The following MAP4K3 variants were observed in gnomAD, a reference collection of about 807,000 sequenced individuals.
MAP4K3 encodes MAPK/ERK kinase kinase kinase 3.
Under a neutral mutation model 143.5 loss-of-function variants are expected in MAP4K3, and 94 were observed. The observed-to-expected ratio is 0.65, with a 90% confidence interval of 0.55 to 0.78. The LOEUF (loss-of-function observed/expected upper bound fraction) is 0.78. Ranked by LOEUF, MAP4K3 falls within the 30% of genes least tolerant of loss-of-function variation. The pLI is 0.00. For synonymous variants in MAP4K3, 416 were observed against 347.2 expected (o/e 1.20, Z -2.20); for missense variants, 1,077 against 1,068.1 (o/e 1.01, Z -0.12).
chr2:39,324,538 T>C (rs1385565990), intron 12 of MAP4K3, among the ~76,000 whole-genome samples: 4 of 152,230 alleles, frequency 2.6e-5, no homozygotes, highest in Non-Finnish European at 4.4e-5. Context: ...AAATAGCTTA[T>C]CTATCATAAG....
intron 1 of MAP4K3, among the ~76,000 whole-genome samples, chr2:39,388,645 G>A (rs1666573977): frequency 6.6e-6 from 1 of 152,168 alleles, no homozygotes; most frequent in South Asian, 2.1e-4. Flanking sequence ...ATCCACAACA[G>A]GCAATTTGTT....
chr2:39,324,642 T>C (rs908475550), intron 12 of MAP4K3, among the ~76,000 whole-genome samples: 24 of 152,148 alleles, frequency 1.6e-4, no homozygotes, highest in African/African-American at 4.8e-4. Flanking sequence ...CCTTCAGTCA[T>C]TAATGAAATT....
At position 39,436,980 on chromosome 2, in the gene MAP4K3, G is replaced by C. The variant is rs1665509240; in HGVS notation, c.8C>G (p.Pro3Arg). 2.5e-6 allele frequency: 4 copies of C among 1,611,506 alleles called. No homozygotes were observed. The highest frequency in any genetic ancestry group is 3.4e-6 in the Non-Finnish European group (4 of 1,179,042). Residue 3 changes from proline to arginine, a missense_variant, in exon 1 of 34, where the codon CCC (proline) becomes CGC (arginine). Physicochemically the swap from Pro to Arg is moderately radical, Grantham distance 103. Around this residue, in one of 2 missense-constraint regions of MAP4K3, gnomAD observed 213 missense variants for 266.8 expected, o/e 0.80. Transcript: ENST00000263881. MN[P>R]GFDLSRRNPQ... is the part of the protein sequence containing the mutation. Reference sequence around the variant, plus strand: ...GTTCCGGCGGGACAAATCGAAGCCGGGGTTCATGGCGGGCCCCAGGTGCCC... The same window carrying C: ...GTTCCGGCGGGACAAATCGAAGCCGCGGTTCATGGCGGGCCCCAGGTGCCC...
At chr2:39,295,176 T>C (rs1352028070) in intron 16 of MAP4K3, among the ~76,000 whole-genome samples, 1 of 152,102 alleles carries the variant, frequency 6.6e-6, no homozygotes, top group Non-Finnish European at 1.5e-5. Context: ...ACATATATAA[T>C]AAAACCTTTT....
intron 29 of MAP4K3, among the ~76,000 whole-genome samples, chr2:39,258,978 G>C (rs1680453901): frequency 6.6e-6 from 1 of 151,608 alleles, no homozygotes. Context: ...AACACCATCA[G>C]CATCACCTGG....
At chr2:39,332,039 GTT>G in intron 7 of MAP4K3, 50 bp from the exon 8 acceptor site, 1 of 1,051,888 alleles carries the variant, frequency 9.5e-7, no homozygotes, top group East Asian at 2.4e-5. Context: ...AAATAAAATT[GTT>G]TAAGGCAACA....
At chr2:39,268,796 C>T (rs1029993802) in intron 26 of MAP4K3, among the ~76,000 whole-genome samples, 6 of 151,810 alleles carry the variant, frequency 4.0e-5, no homozygotes, top group African/African-American at 1.5e-4. Context: ...TCAGCCACCA[C>T]ACCCAACTAA....
intron 1 of MAP4K3, among the ~76,000 whole-genome samples, chr2:39,406,023 A>T (rs1667083434): frequency 6.6e-6 from 1 of 152,138 alleles, no homozygotes; most frequent in African/African-American, 2.4e-5. Context: ...ATCCTATCAG[A>T]TAAATTTAAC....
intron 1 of MAP4K3, among the ~76,000 whole-genome samples, chr2:39,390,859 C>T (rs973770693): frequency 1.3e-5 from 2 of 151,950 alleles, no homozygotes; most frequent in African/African-American, 4.8e-5. Context: ...ACCTAAAAAT[C>T]AATCGCCCTA....
Position 39,291,511 on chromosome 2 carries a change from A to C in MAP4K3, c.1272-1177T>G, listed in dbSNP as rs141303487. 5.4e-3 allele frequency among the ~76,000 whole-genome samples: 824 copies of C among 152,340 alleles called. 9 individuals are homozygous for C. Among genetic ancestry groups the C allele is most frequent in the African/African-American group, 0.018 (768 of 41,584 alleles). On this transcript the variant is annotated intron_variant, in intron 18 of 33. Transcript: ENST00000263881. ...TGAAACATCTTTGATGAAGCTCATC[A>C]AAAACTATATATATGCTTTATGAAA...
At chr2:39,337,978 G>A (rs1010777083) in intron 4 of MAP4K3, among the ~76,000 whole-genome samples, 1 of 151,778 alleles carries the variant, frequency 6.6e-6, no homozygotes, top group African/African-American at 2.4e-5. Context: ...GCCCAGGCTG[G>A]TATTGAATTT....
intron 1 of MAP4K3, among the ~76,000 whole-genome samples, chr2:39,397,280 A>G (rs1419573150): frequency 1.3e-5 from 2 of 152,184 alleles, no homozygotes; most frequent in Non-Finnish European, 2.9e-5. Context: ...ACATAAGAGA[A>G]TTCAGTAAGA....
At chr2:39,251,785 A>G in intron 33 of MAP4K3, 45 bp downstream of exon 33, 2 of 1,485,998 alleles carry the variant, frequency 1.3e-6, no homozygotes, top group African/African-American at 2.8e-5. Flanking sequence ...CTGGATCTAT[A>G]AAACACGTTT....
intron 29 of MAP4K3, among the ~76,000 whole-genome samples, chr2:39,259,943 T>C (rs1311826776): frequency 1.3e-5 from 2 of 152,218 alleles, no homozygotes; most frequent in Non-Finnish European, 2.9e-5. Flanking sequence ...CCCAGGTGTA[T>C]ACCTCATTTT....
chr2:39,331,227 G>A (rs1328268257), intron 8 of MAP4K3, among the ~76,000 whole-genome samples: 1 of 152,098 alleles, frequency 6.6e-6, no homozygotes, highest in Non-Finnish European at 1.5e-5. Flanking sequence ...TTACTTCAAA[G>A]TAATGATATG....
chr2:39,317,398 A>T (rs926493720), intron 12 of MAP4K3, among the ~76,000 whole-genome samples: 1 of 152,128 alleles, frequency 6.6e-6, no homozygotes, highest in African/African-American at 2.4e-5. Flanking sequence ...CCACAAAACC[A>T]AAAATTGACA....
At chr2:39,278,048 G>A (rs1248679468) in intron 24 of MAP4K3, among the ~76,000 whole-genome samples, 6 of 147,732 alleles carry the variant, frequency 4.1e-5, no homozygotes, top group Admixed American at 2.1e-4. Context: ...CTGGGAGGCC[G>A]AGGCGGGCAG....
At chr2:39,378,163 T>C in intron 1 of MAP4K3, 40 bp from the exon 2 acceptor site, 1 of 1,205,456 alleles carries the variant, frequency 8.3e-7, no homozygotes, top group Non-Finnish European at 1.2e-6. Context: ...TGAAGAAAGC[T>C]TTCATAAAAA....
In MAP4K3 at chr2:39,250,457, C is replaced by A; in HGVS notation, c.*161G>T. The A allele has an allele frequency of 1.7e-6, 1 of 600,062 alleles. No individual in the cohort carries two copies. Among genetic ancestry groups the A allele is most frequent in the African/African-American group, 1.9e-5 (1 of 53,892 alleles). The allele number at this position is 600,062 out of a possible 1,614,324, so 37.2% of individuals were successfully genotyped here. A position where few individuals can be genotyped will look rare whatever the true frequency, so the allele number is the denominator to read the frequency against. On this transcript the variant is annotated 3_prime_UTR_variant, in exon 34 of 34. Transcript: ENST00000263881. ...GTTCAATATGCTAAATATATCCATA[C>A]CACTTAAAACAAAATTTTCCCCATC...
Sources: gnomAD v4.1 joint callset for allele counts (sites outside exome capture counted in the v4.1 genomes callset) on GRCh38, gnomAD v4.1.1 for gene constraint, gnomAD v4.1.1 regional missense constraint, MANE v1.5 for transcripts, NCBI Gene and HGNC (gene_info 2026-07-23, HGNC 2026-07-21) for gene names.